The following CADPS variants were observed in gnomAD, a reference collection of about 807,000 sequenced individuals.
CADPS encodes the protein calcium-dependent secretion activator 1.
A neutral mutation model predicts 167.3 loss-of-function variants in CADPS; 57 were observed. That is an observed-to-expected ratio of 0.34 (90% CI 0.28 to 0.42). CADPS has a LOEUF of 0.42. Ranked by LOEUF, CADPS falls within the 20% of genes least tolerant of loss-of-function variation. The pLI, the probability that CADPS is intolerant of heterozygous loss-of-function variation, is 1.00. For missense variants in CADPS, 1,414 were observed against 1,738.1 expected, an observed-to-expected ratio of 0.81 and a Z score of 3.32; for synonymous variants, 676 against 635.3, an observed-to-expected ratio of 1.06 and a Z score of -0.96.
intron 4 of CADPS, among the ~76,000 whole-genome samples, chr3:62,653,799 A>G (rs539714843): frequency 6.4e-4 from 97 of 152,212 alleles, no homozygotes; most frequent in African/African-American, 2.3e-3. Context: ...CTGCTTTTCC[A>G]TGTGAATAAA....
chr3:62,561,387 G>A (rs1272966054), intron 9 of CADPS, among the ~76,000 whole-genome samples: 1 of 151,744 alleles, frequency 6.6e-6, no homozygotes, highest in Non-Finnish European at 1.5e-5. Context: ...CCAGTAGCTG[G>A]GACTAGAGGC....
At position 62,514,060 on chromosome 3, in the gene CADPS, A is replaced by G. The variant is rs1196865858; in HGVS notation, c.2582-1292T>C. Among the ~76,000 whole-genome samples, 1 of 152,100 alleles carries G rather than the reference A, an allele frequency of 6.6e-6. No individual in the cohort carries two copies. The highest frequency in any genetic ancestry group is 1.5e-5 in the Non-Finnish European group (1 of 67,998). On this transcript the variant is annotated intron_variant, in intron 16 of 29. Transcript: ENST00000383710. The surrounding 1 kb of genome is among the most constrained non-coding windows in gnomAD (Gnocchi z 4.2). ...CTTTAGTATCTAAGGCTCTTGAGGT[A>G]TTTCTTCATAAACATAGTCTCCAGC...
chr3:62,552,556 T>C (rs1301640340), intron 10 of CADPS, among the ~76,000 whole-genome samples: 2 of 152,284 alleles, frequency 1.3e-5, no homozygotes, highest in South Asian at 2.1e-4. Context: ...TATTAAAAAC[T>C]AAGAGGAGAA....
chr3:62,432,428 G>C (rs1303696274), intron 28 of CADPS, among the ~76,000 whole-genome samples: 1 of 152,124 alleles, frequency 6.6e-6, no homozygotes, highest in South Asian at 2.1e-4. Flanking sequence ...GTTTCAGGAA[G>C]ATGTTTTACC....
intron 1 of CADPS, among the ~76,000 whole-genome samples, chr3:62,865,385 TAAAAAAAAAAA>T (rs35780515): frequency 9.1e-6 from 1 of 110,130 alleles, no homozygotes; most frequent in Admixed American, 9.6e-5. Context: ...ACTTAAGGAT[TAAAAAAAAAAA>T]AAAAAAAAAA....
intron 3 of CADPS, among the ~76,000 whole-genome samples, chr3:62,677,343 G>T (rs541924810): frequency 6.6e-6 from 1 of 151,980 alleles, no homozygotes; most frequent in Non-Finnish European, 1.5e-5. Flanking sequence ...ACCCACAAAG[G>T]TTTAGATTTG....
intron 28 of CADPS, among the ~76,000 whole-genome samples, chr3:62,428,887 G>A (rs1027095796): frequency 6.6e-6 from 1 of 152,176 alleles, no homozygotes; most frequent in Admixed American, 6.5e-5. Flanking sequence ...AACCAGGGAT[G>A]CTGCTCAACA....
chr3:62,516,992 A>T (rs951624050), intron 14 of CADPS, among the ~76,000 whole-genome samples: 1 of 152,092 alleles, frequency 6.6e-6, no homozygotes, highest in Admixed American at 6.6e-5. Flanking sequence ...AAAAAGTATT[A>T]GTTGGAACAG....
intron 28 of CADPS, among the ~76,000 whole-genome samples, chr3:62,425,154 A>C (rs976311459): frequency 6.6e-6 from 1 of 152,222 alleles, no homozygotes; most frequent in African/African-American, 2.4e-5. Flanking sequence ...TAAGATACAA[A>C]GTAGGAAGGG....
chr3:62,402,299 T>C (rs1322039590), intron 29 of CADPS, among the ~76,000 whole-genome samples: 1 of 144,644 alleles, frequency 6.9e-6, no homozygotes, highest in East Asian at 2.1e-4. Context: ...TGTTAAGAAA[T>C]AGACATTCAG....
At chr3:62,660,296 G>C (rs771883535) in intron 4 of CADPS, among the ~76,000 whole-genome samples, 3 of 152,152 alleles carry the variant, frequency 2.0e-5, no homozygotes, top group Non-Finnish European at 2.9e-5. Flanking sequence ...TGTCTAAAAT[G>C]CAGATGAATG....
At chr3:62,761,495 A>C (rs1362901164) in intron 2 of CADPS, among the ~76,000 whole-genome samples, 2 of 152,096 alleles carry the variant, frequency 1.3e-5, no homozygotes, top group Non-Finnish European at 2.9e-5. Context: ...CAGTGTTCTG[A>C]AATGAATTTT....
At chr3:62,719,349 G>A (rs984642845) in intron 3 of CADPS, among the ~76,000 whole-genome samples, 1 of 152,168 alleles carries the variant, frequency 6.6e-6, no homozygotes, top group African/African-American at 2.4e-5. Flanking sequence ...TTCACTTAGT[G>A]AAAACCTACT....
intron 8 of CADPS, among the ~76,000 whole-genome samples, chr3:62,578,604 C>T (rs1326843400): frequency 6.9e-4 from 55 of 79,448 alleles, no homozygotes; most frequent in Non-Finnish European, 8.4e-4. Flanking sequence ...AGCAAGACTC[C>T]GTCTCAAAAA....
At chr3:62,716,065 A>C (rs571541739) in intron 3 of CADPS, among the ~76,000 whole-genome samples, 76 of 103,120 alleles carry the variant, frequency 7.4e-4, no homozygotes, top group African/African-American at 2.4e-3. Context: ...TTTTTAAAAA[A>C]CACTTTTTTT....
intron 4 of CADPS, among the ~76,000 whole-genome samples, chr3:62,657,276 G>C (rs758221715): frequency 6.6e-6 from 1 of 152,106 alleles, no homozygotes; most frequent in Non-Finnish European, 1.5e-5. Flanking sequence ...GGGTCTAAGT[G>C]GCATTTTCAT....
intron 1 of CADPS, among the ~76,000 whole-genome samples, chr3:62,773,231 A>G (rs777285789): frequency 5.9e-5 from 9 of 152,152 alleles, no homozygotes; most frequent in Admixed American, 1.3e-4. Context: ...TCTACTCTAA[A>G]GGAAGTCCTG....
intron 1 of CADPS, among the ~76,000 whole-genome samples, chr3:62,789,241 A>G (rs1483834796): frequency 6.6e-6 from 1 of 152,166 alleles, no homozygotes; most frequent in Non-Finnish European, 1.5e-5. Context: ...GTTCTTCTTG[A>G]CAATACTGAG....
At chr3:62,807,325 G>A (rs916147181) in intron 1 of CADPS, among the ~76,000 whole-genome samples, 9 of 100,974 alleles carry the variant, frequency 8.9e-5, no homozygotes, top group African/African-American at 2.7e-4. Context: ...GCACTGGCGT[G>A]ATCTCAGCTC....
Sources: gnomAD v4.1 joint callset for allele counts (sites outside exome capture counted in the v4.1 genomes callset) on GRCh38, gnomAD v4.1.1 for gene constraint, Gnocchi (gnomAD v3.1) non-coding constraint, MANE v1.5 for transcripts, NCBI Gene and HGNC (gene_info 2026-07-23, HGNC 2026-07-21) for gene names.